ASTN1: variants seen among roughly 807,000 people sequenced by gnomAD.
The protein encoded by ASTN1 is astrotactin 1, also known as astrotactin-1.
Under a neutral mutation model 140.7 loss-of-function variants are expected in ASTN1, and 41 were observed. The ratio of observed to expected loss-of-function variants is 0.29; its 90% CI spans 0.23 to 0.38. The LOEUF (loss-of-function observed/expected upper bound fraction) is 0.38. Ranked by LOEUF, ASTN1 falls within the 10% of genes least tolerant of loss-of-function variation. The pLI, the probability that ASTN1 is intolerant of heterozygous loss-of-function variation, is 1.00. For missense variants in ASTN1, 1,479 were observed against 1,678.8 expected (o/e 0.88, Z 2.08); for synonymous variants, 640 against 652.2 (o/e 0.98, Z 0.29).
intron 14 of ASTN1, among the ~76,000 whole-genome samples, chr1:176,939,293 A>G (rs1480218758): frequency 6.6e-6 from 1 of 152,170 alleles, no homozygotes. Context: ...TTAAGTCCAG[A>G]ACAACAGAGG....
At chr1:176,967,864 C>T (rs1186378178) in intron 8 of ASTN1, among the ~76,000 whole-genome samples, 2 of 152,040 alleles carry the variant, frequency 1.3e-5, no homozygotes, top group Non-Finnish European at 2.9e-5. Flanking sequence ...GTAGACCCCA[C>T]CCTGATCACA....
intron 16 of ASTN1, among the ~76,000 whole-genome samples, chr1:176,929,492 G>A (rs1359136373): frequency 1.3e-5 from 2 of 152,186 alleles, no homozygotes; most frequent in African/African-American, 4.8e-5. Flanking sequence ...AGGACCGGGT[G>A]ATTCCTTGAC....
chr1:176,974,907 C>T (rs1166874524), intron 8 of ASTN1, among the ~76,000 whole-genome samples: 1 of 152,148 alleles, frequency 6.6e-6, no homozygotes, highest in African/African-American at 2.4e-5. Context: ...AAGAGCAAGT[C>T]AGAGAATAAG....
At chr1:176,928,819 G>C (rs1671081432) in intron 16 of ASTN1, among the ~76,000 whole-genome samples, 1 of 152,184 alleles carries the variant, frequency 6.6e-6, no homozygotes, top group Non-Finnish European at 1.5e-5. Context: ...ATAAATCATA[G>C]CCAGGAAGAC....
At position 177,075,323 on chromosome 1, in the gene ASTN1, C is replaced by T. The variant is rs566608357; in HGVS notation, c.284-14058G>A. On this transcript the variant is annotated intron_variant, in intron 1 of 22. Coordinates refer to ENST00000361833, the MANE Select transcript of ASTN1 (RefSeq NM_004319.3). The stretch of plus-strand genomic sequence containing the variant: ...TCCTGACCTCGTGATCCACCCACCT[C>T]GGTCTCCCAAAGTGCTGGGATTACA... 3.9e-5 allele frequency among the ~76,000 whole-genome samples: 6 copies of T among 152,024 alleles called. No homozygotes were observed. The South Asian group carries it at 6.2e-4, about 16-fold the overall frequency.
intron 1 of ASTN1, among the ~76,000 whole-genome samples, chr1:177,108,997 C>G (rs1037499026): frequency 6.6e-6 from 1 of 150,622 alleles, no homozygotes; most frequent in African/African-American, 2.4e-5. Context: ...TGGAAAAGCA[C>G]GCAAAAAAAG....
chr1:177,029,922 T>C (rs73045475), intron 4 of ASTN1, among the ~76,000 whole-genome samples, 181 bp from the exon 5 acceptor site: 3,190 of 152,284 alleles, frequency 0.021, 125 homozygotes, highest in African/African-American at 0.071. Context: ...AAGTAGACCA[T>C]TGGGACAGCA....
chr1:177,085,657 T>C (rs1250060830), intron 1 of ASTN1, among the ~76,000 whole-genome samples: 2 of 152,176 alleles, frequency 1.3e-5, no homozygotes, highest in Non-Finnish European at 2.9e-5. Context: ...AACATGCACC[T>C]GCACAACCCC....
chr1:176,997,526 G>A (rs1167284259), intron 8 of ASTN1, among the ~76,000 whole-genome samples: 2 of 151,932 alleles, frequency 1.3e-5, no homozygotes, highest in Non-Finnish European at 2.9e-5. Flanking sequence ...GATATCCTGT[G>A]AGGATATCCT....
chr1:176,926,191 C>A (rs1003244102), intron 16 of ASTN1, among the ~76,000 whole-genome samples: 1 of 149,926 alleles, frequency 6.7e-6, no homozygotes, highest in Admixed American at 6.7e-5. Flanking sequence ...ATTATTATTT[C>A]GTTATCTATA....
At chr1:177,141,296 AGTACT>A (rs1452921646) in intron 1 of ASTN1, among the ~76,000 whole-genome samples, 1 of 152,142 alleles carries the variant, frequency 6.6e-6, no homozygotes, top group African/African-American at 2.4e-5. Flanking sequence ...ATAGAGGAAA[AGTACT>A]TAGCTCAGGA....
At chr1:177,077,580 T>A (rs1678978390) in intron 1 of ASTN1, among the ~76,000 whole-genome samples, 1 of 152,208 alleles carries the variant, frequency 6.6e-6, no homozygotes, top group South Asian at 2.1e-4. Flanking sequence ...ACTTTAACGA[T>A]TTCTCCTTTT....
At chr1:177,044,227 T>A (rs1257291451) in intron 2 of ASTN1, among the ~76,000 whole-genome samples, 2 of 149,890 alleles carry the variant, frequency 1.3e-5, no homozygotes, top group African/African-American at 4.9e-5. Flanking sequence ...AACTGCCCTG[T>A]CCTACCTCCT....
chr1:176,996,930 T>A (rs781143210), intron 8 of ASTN1, among the ~76,000 whole-genome samples: 1 of 152,118 alleles, frequency 6.6e-6, no homozygotes, highest in African/African-American at 2.4e-5. Context: ...AGCAGAAGTG[T>A]GTATTTGATG....
At position 177,024,729 on chromosome 1, in the gene ASTN1, C is replaced by T. The variant is rs776635950; in HGVS notation, c.1124G>A (p.Gly375Asp). Residue 375 changes from glycine (G) to aspartate (D), a missense_variant, in exon 6 of 23, where the codon GGT becomes GAT. Gly to Asp is a moderately conservative substitution (Grantham distance 94). Around this residue, in one of 3 missense-constraint regions of ASTN1, gnomAD observed 729 missense variants for 860.4 expected, o/e 0.85. Transcript: ENST00000361833. ...PSRSRRRSRV[G>D]SPRSPVNKTT... is the part of the protein sequence containing the mutation. Reference sequence around the variant, plus strand: ...CTTATTCACAGGACTTCGGGGAGAACCCACTGAAAGTGAGACAAAAGCAAG... The same window carrying T: ...CTTATTCACAGGACTTCGGGGAGAATCCACTGAAAGTGAGACAAAAGCAAG... 6.2e-7 allele frequency: 1 copy of T among 1,613,124 alleles called. No individual in the cohort carries two copies. The highest frequency in any genetic ancestry group is 2.2e-5 in the East Asian group (1 of 44,838).
At chr1:176,995,824 C>A (rs1674412575) in intron 8 of ASTN1, among the ~76,000 whole-genome samples, 1 of 152,106 alleles carries the variant, frequency 6.6e-6, no homozygotes, top group African/African-American at 2.4e-5. Context: ...GATGAGAAGA[C>A]CATCATGGTG....
At chr1:177,027,071 C>A (rs1676154655) in intron 5 of ASTN1, among the ~76,000 whole-genome samples, 2 of 152,200 alleles carry the variant, frequency 1.3e-5, no homozygotes, top group Non-Finnish European at 2.9e-5. Flanking sequence ...TTACTGCTCC[C>A]TGACAAGACC....
chr1:177,047,278 G>A (rs756965827), intron 2 of ASTN1, among the ~76,000 whole-genome samples: 34 of 152,200 alleles, frequency 2.2e-4, no homozygotes, highest in Non-Finnish European at 4.7e-4. Context: ...TCACTCAGAG[G>A]AGAGGAAAGA....
chr1:176,960,091 T>C (rs1672593544), intron 9 of ASTN1, among the ~76,000 whole-genome samples: 1 of 152,066 alleles, frequency 6.6e-6, no homozygotes, highest in Admixed American at 6.6e-5. Flanking sequence ...TCTGGTAAGA[T>C]TAAGGAGCCC....
Sources: allele counts gnomAD v4.1 joint callset (sites outside exome capture counted in the v4.1 genomes callset), GRCh38; gene constraint gnomAD v4.1.1; regional missense constraint gnomAD v4.1.1; transcripts MANE v1.5; gene names NCBI Gene and HGNC (gene_info 2026-07-23, HGNC 2026-07-21).